SLC9B1: variants seen among roughly 807,000 people sequenced by gnomAD.
SLC9B1 encodes solute carrier family 9 member B1, also known as sodium/hydrogen exchanger 9B1.
A neutral mutation model predicts 51.7 loss-of-function variants in SLC9B1; 32 were observed. The ratio of observed to expected loss-of-function variants is 0.62; its 90% CI spans 0.47 to 0.83. The LOEUF (loss-of-function observed/expected upper bound fraction) is 0.83, where lower values mean the gene tolerates loss of function less well. Among genes scored for constraint, SLC9B1 ranks in the 40% least tolerant of loss-of-function variants. SLC9B1 has a pLI of 0.00. For missense variants in SLC9B1, 406 were observed against 613.2 expected (o/e 0.66, Z 3.57); for synonymous variants, 145 against 212.7 (o/e 0.68, Z 2.77).
chr4:102,970,440 A>G (rs1211703907), intron 3 of SLC9B1, among the ~76,000 whole-genome samples: 2 of 152,244 alleles, frequency 1.3e-5, no homozygotes, highest in Non-Finnish European at 2.9e-5. Flanking sequence ...GCAAATGCTG[A>G]GAGATTTTGT....
chr4:102,920,319 G>A (rs1391229418), intron 7 of SLC9B1, among the ~76,000 whole-genome samples: 3 of 152,218 alleles, frequency 2.0e-5, no homozygotes, highest in Non-Finnish European at 4.4e-5. Context: ...TGAGGGTCCT[G>A]ACTGTTAGAA....
At chr4:102,897,500 A>G (rs1282317138), downstream of SLC9B1, 1 of 254,156 alleles carries the variant, frequency 3.9e-6, no homozygotes, top group Non-Finnish European at 7.8e-6. Context: ...ATGTGCAAAG[A>G]ATGGCAAGTG....
chr4:102,915,244 AG>A (rs919649057), intron 7 of SLC9B1, among the ~76,000 whole-genome samples: 2 of 152,254 alleles, frequency 1.3e-5, no homozygotes, highest in Admixed American at 1.3e-4. Flanking sequence ...AAAATGTTAA[AG>A]GGAGTCCTCC....
chr4:103,016,134 C>CAAAAAAAAAAAAAAAAAAAAAAAAA (rs61227731), intron 1 of SLC9B1, among the ~76,000 whole-genome samples: 3 of 49,628 alleles, frequency 6.0e-5, no homozygotes, highest in African/African-American at 9.3e-5. Flanking sequence ...AACTCTGTCT[C>CAAAAAAAAAAAAAAAAAAAAAAAAA]AAAAAAAAAA....
At chr4:102,906,806 C>T (rs569863197) in intron 9 of SLC9B1, among the ~76,000 whole-genome samples, 162 bp from the exon 10 acceptor site, 5 of 152,162 alleles carry the variant, frequency 3.3e-5, no homozygotes, top group Admixed American at 6.5e-5. Flanking sequence ...TCATAGCTCA[C>T]TGTAGCCTTG....
chr4:102,910,045 C>A (rs1560921812), intron 9 of SLC9B1, among the ~76,000 whole-genome samples: 2 of 152,056 alleles, frequency 1.3e-5, no homozygotes, highest in African/African-American at 4.8e-5. Context: ...AAACTCCTGA[C>A]CCCACGCGAT....
At chr4:102,986,900 T>G (rs1056639732) in intron 3 of SLC9B1, among the ~76,000 whole-genome samples, 3 of 152,214 alleles carry the variant, frequency 2.0e-5, no homozygotes, top group South Asian at 2.1e-4. Flanking sequence ...CTTAGCATAT[T>G]TAACATAACT....
Position 102,911,334 on chromosome 4 carries a change from T to C in SLC9B1, c.936+97A>G, listed in dbSNP as rs1431919483. The C allele has an allele frequency of 5.0e-6, 4 of 799,344 alleles. No individual in the cohort carries two copies. The African/African-American group carries it at 5.2e-5, about 10-fold the overall frequency. The allele number at this position is 799,344 out of a possible 1,614,324, so 49.5% of individuals were successfully genotyped here. A position where few individuals can be genotyped will look rare whatever the true frequency, so the allele number is the denominator to read the frequency against. On this transcript the variant is annotated intron_variant, in intron 8 of 11. Transcript: ENST00000296422. The stretch of plus-strand genomic sequence containing the variant: ...GCATTGGAGGCTAGTTTTAGAGAAA[T>C]AGAATTAAGTATTAAATTTCATCGA...
intron 7 of SLC9B1, among the ~76,000 whole-genome samples, chr4:102,919,666 G>A (rs186557096): frequency 6.6e-6 from 1 of 152,330 alleles, no homozygotes; most frequent in Non-Finnish European, 1.5e-5. Context: ...AAGGGAAGCC[G>A]TGACAGACTA....
At chr4:102,997,593 A>G (rs985217709) in intron 1 of SLC9B1, among the ~76,000 whole-genome samples, 3 of 152,164 alleles carry the variant, frequency 2.0e-5, no homozygotes, top group Non-Finnish European at 2.9e-5. Context: ...ACATACATAC[A>G]CAGTCAGCAA....
chr4:102,998,411 T>C (rs1740339194), intron 1 of SLC9B1, among the ~76,000 whole-genome samples: 1 of 152,196 alleles, frequency 6.6e-6, no homozygotes, highest in African/African-American at 2.4e-5. Context: ...TATATGTATA[T>C]ATCACATTTT....
rs752310434 is a variant in SLC9B1 at position 103,019,619 on chromosome 4, C to G, written c.-22G>C. Reference sequence around the variant, plus strand: ...CGTACCTACAACTTCTTTCGCAGCCCTCGCTGGCCCGGGAGCGGCCCAGGA... The same window carrying G: ...CGTACCTACAACTTCTTTCGCAGCCGTCGCTGGCCCGGGAGCGGCCCAGGA... On this transcript the variant is annotated 5_prime_UTR_variant, in exon 1 of 12. Transcript: ENST00000296422. The G allele has an allele frequency of 1.0e-6, 1 of 985,484 alleles. No homozygotes were observed. Among genetic ancestry groups the G allele is most frequent in the Non-Finnish European group, 1.2e-6 (1 of 829,958 alleles). 61.0% of individuals were successfully genotyped at this position (985,484 alleles called of 1,614,324 possible).
At chr4:102,999,716 C>A (rs1481294317) in intron 1 of SLC9B1, among the ~76,000 whole-genome samples, 1 of 152,138 alleles carries the variant, frequency 6.6e-6, no homozygotes, top group Non-Finnish European at 1.5e-5. Context: ...AGTTTTATTT[C>A]AATTTGTCCT....
intron 6 of SLC9B1, chr4:102,941,579 G>A (rs1736997540): frequency 2.3e-6 from 1 of 439,134 alleles, no homozygotes; most frequent in Non-Finnish European, 4.5e-6. Context: ...GGCAGAGGTT[G>A]CAGTGAGCTG....
chr4:103,019,488 T>C, intron 1 of SLC9B1, 111 bp downstream of exon 1: 1 of 700,936 alleles, frequency 1.4e-6, no homozygotes, highest in Non-Finnish European at 1.8e-6. Context: ...CCCATTGAAC[T>C]GAGGGGGAGG....
chr4:102,945,668 G>C (rs1188603246), intron 5 of SLC9B1, among the ~76,000 whole-genome samples: 2 of 152,044 alleles, frequency 1.3e-5, no homozygotes, highest in Admixed American at 1.3e-4. Flanking sequence ...GATATGAACT[G>C]TTTGATTAAC....
At chr4:102,936,450 C>T (rs943675262) in intron 6 of SLC9B1, among the ~76,000 whole-genome samples, 1 of 152,052 alleles carries the variant, frequency 6.6e-6, no homozygotes, top group Non-Finnish European at 1.5e-5. Flanking sequence ...TGGATAGAAA[C>T]AAAGATCATT....
At chr4:102,948,842 G>GA (rs1370583932) in intron 4 of SLC9B1, among the ~76,000 whole-genome samples, 1 of 152,080 alleles carries the variant, frequency 6.6e-6, no homozygotes, top group Non-Finnish European at 1.5e-5. Flanking sequence ...GGTTAAGGTT[G>GA]AAAAATTACC....
chr4:102,912,308 A>C (rs2110434053), intron 7 of SLC9B1, among the ~76,000 whole-genome samples: 1 of 152,304 alleles, frequency 6.6e-6, no homozygotes, highest in East Asian at 1.9e-4. Context: ...ACAACATAAA[A>C]AATTTTGTTC....
Sources: gnomAD v4.1 joint callset for allele counts (sites outside exome capture counted in the v4.1 genomes callset) on GRCh38, gnomAD v4.1.1 for gene constraint, MANE v1.5 for transcripts, NCBI Gene and HGNC (gene_info 2026-07-23, HGNC 2026-07-21) for gene names.